The following SYNE1 variants were observed in gnomAD, a reference collection of about 807,000 sequenced individuals.
SYNE1 encodes the protein spectrin repeat containing nuclear envelope protein 1, also known as nesprin-1.
Under a neutral mutation model 1,111.0 loss-of-function variants are expected in SYNE1, and 616 were observed. That is an observed-to-expected ratio of 0.55 (90% CI 0.52 to 0.59). SYNE1 has a LOEUF of 0.59. Among genes scored for constraint, SYNE1 ranks in the 20% least tolerant of loss-of-function variants. The pLI is 0.00. For missense variants in SYNE1, 10,006 were observed against 10,417.0 expected (o/e 0.96, Z 1.72); for synonymous variants, 3,855 against 3,825.8 (o/e 1.01, Z -0.28).
At chr6:152,269,070 C>T in intron 99 of SYNE1, 85 bp downstream of exon 99, 1 of 1,593,668 alleles carries the variant, frequency 6.3e-7, no homozygotes, top group Non-Finnish European at 8.6e-7. Flanking sequence ...AGTACAGAAG[C>T]AACTTGTCTG....
intron 105 of SYNE1, among the ~76,000 whole-genome samples, chr6:152,244,988 T>C (rs947431688): frequency 1.2e-4 from 19 of 152,244 alleles, no homozygotes; most frequent in East Asian, 3.9e-4. Flanking sequence ...ATTTAGGACA[T>C]AGTTAAAAAA....
rs112066710 is a variant in SYNE1 at position 152,622,840 on chromosome 6, G to A, written c.67+5425C>T. Among the ~76,000 whole-genome samples, 1,218 of 152,102 alleles carry A rather than the reference G, an allele frequency of 8.0e-3. 18 individuals carry two copies. Among genetic ancestry groups the A allele is most frequent in the African/African-American group, 0.028 (1,150 of 41,510 alleles). On this transcript the variant is annotated intron_variant, in intron 3 of 145. Coordinates refer to ENST00000367255, the MANE Select transcript of SYNE1 (RefSeq NM_182961.4). ...GTCTTTAGGTCTTTGGGGAATCACCGCACTATCTTCCACAAAGGTTGAACT... is the reference window on the plus strand; with the variant it reads ...GTCTTTAGGTCTTTGGGGAATCACCACACTATCTTCCACAAAGGTTGAACT...
At chr6:152,439,386 C>T (rs141455822) in intron 32 of SYNE1, among the ~76,000 whole-genome samples, 41 of 152,150 alleles carry the variant, frequency 2.7e-4, no homozygotes, top group African/African-American at 8.4e-4. Context: ...TTTTAATACA[C>T]GAAATAATTT....
intron 3 of SYNE1, among the ~76,000 whole-genome samples, chr6:152,593,208 C>T (rs960163611): frequency 6.6e-6 from 1 of 152,156 alleles, no homozygotes; most frequent in African/African-American, 2.4e-5. Context: ...TTACAGTTTG[C>T]AGTTTCCAAG....
intron 6 of SYNE1, among the ~76,000 whole-genome samples, chr6:152,513,459 C>A (rs2099095842): frequency 6.6e-6 from 1 of 152,038 alleles, no homozygotes; most frequent in Non-Finnish European, 1.5e-5. Flanking sequence ...GATTCTCCTG[C>A]CTCAACTGGG....
At chr6:152,328,283 T>G (rs2096136327) in intron 78 of SYNE1, among the ~76,000 whole-genome samples, 1 of 152,160 alleles carries the variant, frequency 6.6e-6, no homozygotes, top group African/African-American at 2.4e-5. Context: ...GGTTGACATC[T>G]CCTAGAATCA....
At chr6:152,435,164 A>T (rs1444088462) in intron 33 of SYNE1, 5 of 152,162 alleles carry the variant, frequency 3.3e-5, no homozygotes, top group African/African-American at 1.2e-4. Flanking sequence ...TATTAAAAAC[A>T]CATTTTACAT....
At position 152,326,012 on chromosome 6, in the gene SYNE1, A is replaced by C. The variant is rs776384618; in HGVS notation, c.15384T>G (p.Ser5128=). ...NDTEKKLSEF[S]LLKTSSSHEA... ...CATGACTAGACGAAGTCTTCAACAA[A>C]GAAAACTCAGACAATTTCTTTTCTG... Residue 5128 remains serine (S), a synonymous_variant, in exon 80 of 146, where the codon TCT becomes TCG. Coordinates refer to ENST00000367255, the MANE Select transcript of SYNE1 (RefSeq NM_182961.4). 6.2e-7 allele frequency: 1 copy of C among 1,614,224 alleles called. No homozygotes were observed. The highest frequency in any genetic ancestry group is 8.5e-7 in the Non-Finnish European group (1 of 1,180,050).
In SYNE1 at chr6:152,395,368, T is replaced by C. The variant is rs75387096; in HGVS notation, c.7712+148A>G. The stretch of plus-strand genomic sequence containing the variant: ...CTGCACTGCTGCAAAGAGTGCAGCA[T>C]AGTCCTCTGTATTCCAGACATTCAA... On this transcript the variant is annotated intron_variant, in intron 51 of 145. Coordinates refer to ENST00000367255, the MANE Select transcript of SYNE1 (RefSeq NM_182961.4). 5,082 of 788,818 alleles carry C rather than the reference T, an allele frequency of 6.4e-3. 160 individuals carry two copies. The African/African-American group carries it at 0.075, about 12-fold the overall frequency. The allele number at this position is 788,818 out of a possible 1,614,324, so 48.9% of individuals were successfully genotyped here.
chr6:152,179,272 A>C (rs2067273448), intron 129 of SYNE1: 1 of 152,122 alleles, frequency 6.6e-6, no homozygotes, highest in Non-Finnish European at 1.5e-5. Flanking sequence ...TAGACATCAG[A>C]AATGTTTTGG....
chr6:152,382,645 T>C (rs1469715739), intron 55 of SYNE1, among the ~76,000 whole-genome samples: 1 of 152,172 alleles, frequency 6.6e-6, no homozygotes, highest in Non-Finnish European at 1.5e-5. Flanking sequence ...GTGTGTATAG[T>C]AGTTATTTGA....
chr6:152,542,012 T>C (rs1314809989), intron 3 of SYNE1, among the ~76,000 whole-genome samples: 4 of 151,996 alleles, frequency 2.6e-5, no homozygotes, highest in South Asian at 4.2e-4. Flanking sequence ...AAAAGAAGAA[T>C]TGAATTTTAT....
In SYNE1 at chr6:152,465,978, T is replaced by A; in HGVS notation, c.1729+4A>T. ...GTTGCAACAAATTCTGTAGTATGTTTTACCTGAACCATCTGCTTTGACATA... is the reference window on the plus strand; with the variant it reads ...GTTGCAACAAATTCTGTAGTATGTTATACCTGAACCATCTGCTTTGACATA... On this transcript the variant is annotated splice_donor_region_variant and intron_variant, in intron 17 of 145. Coordinates refer to ENST00000367255, the MANE Select transcript of SYNE1 (RefSeq NM_182961.4). 1 of 1,605,436 alleles carries A rather than the reference T, an allele frequency of 6.2e-7. No homozygotes were observed. The highest frequency in any genetic ancestry group is 2.2e-5 in the East Asian group (1 of 44,788).
intron 73 of SYNE1, 54 bp downstream of exon 73, chr6:152,347,005 C>T: frequency 2.5e-6 from 4 of 1,604,530 alleles, no homozygotes; most frequent in Non-Finnish European, 3.4e-6. Context: ...CTCTAGACTG[C>T]ACAGCCTCTC....
In SYNE1 at chr6:152,301,858, T is replaced by G. The variant is rs1201617150; in HGVS notation, c.17541+11A>C. On this transcript the variant is annotated intron_variant, in intron 92 of 145. Coordinates refer to ENST00000367255, the MANE Select transcript of SYNE1 (RefSeq NM_182961.4). ...AAAGAGCAAAGCCGCGGGGACCCACTGGATCCTTACCATGACCACAGAGGG... is the reference window on the plus strand; with the variant it reads ...AAAGAGCAAAGCCGCGGGGACCCACGGGATCCTTACCATGACCACAGAGGG... The G allele has an allele frequency of 6.2e-7, 1 of 1,606,082 alleles. No homozygotes were observed. The highest frequency in any genetic ancestry group is 2.2e-5 in the East Asian group (1 of 44,698).
rs776505129 is a variant in SYNE1 at position 152,262,155 on chromosome 6, C to T, written c.18849G>A (p.Gly6283=). ...CAGCGGATGATTTCTCCCCTTCCAT[C>T]CCCAACTCCTGGGATAACACATCAG... ...EKPDVLSQEL[G]MEGEKSSAED... is the part of the protein sequence containing the mutation. The change falls in exon 101 of 146, where the codon GGG becomes GGA. Residue 6283 remains glycine (G), a synonymous_variant. Transcript: ENST00000367255. The T allele has an allele frequency of 9.3e-6, 15 of 1,613,760 alleles. No individual in the cohort carries two copies. The highest frequency in any genetic ancestry group is 1.2e-5 in the Non-Finnish European group (14 of 1,179,948).
intron 52 of SYNE1, among the ~76,000 whole-genome samples, chr6:152,390,902 C>T (rs1181564051): frequency 1.3e-5 from 2 of 152,106 alleles, no homozygotes; most frequent in Non-Finnish European, 2.9e-5. Context: ...CCCCTACACA[C>T]GGACTGTATT....
intron 14 of SYNE1, among the ~76,000 whole-genome samples, chr6:152,478,189 T>C (rs1340251430): frequency 2.0e-5 from 3 of 152,146 alleles, no homozygotes; most frequent in African/African-American, 4.8e-5. Flanking sequence ...ACATGGTAGA[T>C]GGCAAGATAA....
chr6:152,264,794 T>C (rs1311645969), intron 100 of SYNE1, among the ~76,000 whole-genome samples: 1 of 152,044 alleles, frequency 6.6e-6, no homozygotes, highest in African/African-American at 2.4e-5. Flanking sequence ...AGTGAGACCC[T>C]GTCTCAAGAA....
Sources: gnomAD v4.1 joint callset for allele counts (sites outside exome capture counted in the v4.1 genomes callset) on GRCh38, gnomAD v4.1.1 for gene constraint, MANE v1.5 for transcripts, NCBI Gene and HGNC (gene_info 2026-07-23, HGNC 2026-07-21) for gene names.